The following CLN6 variants were observed in gnomAD, a reference collection of about 807,000 sequenced individuals.
CLN6 encodes CLN6 transmembrane ER protein, also known as ceroid-lipofuscinosis neuronal protein 6.
CLN6 carries 22 observed loss-of-function variants against 33.3 expected under a neutral mutation model. The ratio of observed to expected loss-of-function variants is 0.66; its 90% CI spans 0.47 to 0.94. The LOEUF (loss-of-function observed/expected upper bound fraction) is 0.94. CLN6 is among the 40% of genes least tolerant of loss of function. The pLI is 0.00. For synonymous variants in CLN6, 201 were observed against 174.6 expected, an observed-to-expected ratio of 1.15 and a Z score of -1.19; for missense variants, 387 against 417.1, an observed-to-expected ratio of 0.93 and a Z score of 0.63.
chr15:68,225,387 A>G (rs1284571035), intron 1 of CLN6, among the ~76,000 whole-genome samples: 2 of 152,272 alleles, frequency 1.3e-5, no homozygotes, highest in African/African-American at 2.4e-5. Flanking sequence ...AAAGCAGCAG[A>G]TAATTATAGT....
In CLN6 at chr15:68,256,906, A is replaced by AGGGTCAGGGTGCGCGTCCCACCGCGTCGT. The variant is rs1892443751; in HGVS notation, c.-67_-39dup. 6.2e-6 allele frequency: 4 copies of AGGGTCAGGGTGCGCGTCCCACCGCGTCGT among 650,162 alleles called. No individual in the cohort carries two copies. The highest frequency in any genetic ancestry group is 1.1e-5 in the Non-Finnish European group (4 of 360,600). The allele number at this position is 650,162 out of a possible 1,614,324, so 40.3% of individuals were successfully genotyped here. ...CAAGGTCCTGGGCGCGGCTCTGGGG[A>AGGGTCAGGGTGCGCGTCCCACCGCGTCGT]GGGTCAGGGTGCGCGTCCCACCGCG... is the stretch of plus-strand genomic sequence containing the variant. On this transcript the variant is annotated 5_prime_UTR_variant, in exon 1 of 7. Transcript: ENST00000538696. The surrounding 1 kb of genome is among the most constrained non-coding windows in gnomAD (Gnocchi z 4.1).
chr15:68,248,028 C>CAAAAAAAAAAAAAAAAAAAAAA, intron 1 of CLN6, among the ~76,000 whole-genome samples: 1 of 118,200 alleles, frequency 8.5e-6, no homozygotes, highest in Non-Finnish European at 1.7e-5. Context: ...AACTCAGTCT[C>CAAAAAAAAAAAAAAAAAAAAAA]AAAAAAAAAA....
chr15:68,229,486 C>T lies in CLN6; in HGVS notation c.83+16G>A, dbSNP rs1595826941. 1 of 1,460,940 alleles carries T rather than the reference C, an allele frequency of 6.8e-7. No individual in the cohort carries two copies. Among genetic ancestry groups the T allele is most frequent in the East Asian group, 3.0e-5 (1 of 32,994 alleles). The allele number at this position is 1,460,940 out of a possible 1,614,324, so 90.5% of individuals were successfully genotyped here. ...ACAGGCGCCTAGCCCGCCCTCTCAC[C>T]CCGGCGCGCGCCCACCTGGCCTGCA... On this transcript the variant is annotated intron_variant, in intron 1 of 6. Coordinates refer to ENST00000249806, the MANE Select transcript of CLN6 (RefSeq NM_017882.3).
rs373652272 is a variant in CLN6, at chr15:68,208,204, G to A, written c.872C>T (p.Pro291Leu). ...GGGCTCAGGGACGTAGATGACACCC[G>A]GGTACTTCTTCCTGAGAACAGGGTC... ...WNDPVLRKKYPGVIYVPEPWA... is the reference protein window; with the variant it reads ...WNDPVLRKKYLGVIYVPEPWA... The change falls in exon 7 of 7, where the codon CCG becomes CTG. Residue 291 changes from proline to leucine, a missense_variant. Transcript: ENST00000249806. This position sits in a 1 kb window ranked among gnomAD's most constrained non-coding sequence, Gnocchi z 5.8. The A allele has an allele frequency of 1.5e-5, 24 of 1,560,970 alleles. No homozygotes were observed. The highest frequency in any genetic ancestry group is 1.1e-4 in the African/African-American group (8 of 72,224).
Position 68,256,623 on chromosome 15 carries a change from A to G in CLN6, c.179+67T>C. 1.7e-6 allele frequency: 1 copy of G among 588,704 alleles called. No homozygotes were observed. The highest frequency in any genetic ancestry group is 3.0e-6 in the Non-Finnish European group (1 of 328,364). The allele number at this position is 588,704 out of a possible 1,614,324, so 36.5% of individuals were successfully genotyped here. On this transcript the variant is annotated intron_variant, in intron 1 of 6. Coordinates refer to the CLN6 transcript ENST00000538696. The surrounding 1 kb of genome is among the most constrained non-coding windows in gnomAD (Gnocchi z 4.1). ...AGGGGTGTGGGCAGTGCAGTCGCAC[A>G]GGGCCCCACGTTCAGAAGGGCTTCG...
rs1268139510 is a variant in CLN6, at chr15:68,256,896, G to C, written c.-28C>G. 3.0e-6 allele frequency: 2 copies of C among 663,144 alleles called. No individual in the cohort carries two copies. The highest frequency in any genetic ancestry group is 2.7e-6 in the Non-Finnish European group (1 of 366,134). The allele number at this position is 663,144 out of a possible 1,614,324, so 41.1% of individuals were successfully genotyped here. ...TCCGCCCAGGCAAGGTCCTGGGCGC[G>C]GCTCTGGGGAGGGTCAGGGTGCGCG... On this transcript the variant is annotated 5_prime_UTR_variant, in exon 1 of 7. Transcript: ENST00000538696. The surrounding 1 kb of genome is among the most constrained non-coding windows in gnomAD (Gnocchi z 4.1).
Position 68,219,548 on chromosome 15 carries a change from A to T in CLN6, c.84-898T>A, listed in dbSNP as rs946710368. 6.6e-6 allele frequency among the ~76,000 whole-genome samples: 1 copy of T among 152,154 alleles called. No homozygotes were observed. Among genetic ancestry groups the T allele is most frequent in the Admixed American group, 6.5e-5 (1 of 15,274 alleles). On this transcript the variant is annotated intron_variant, in intron 1 of 6. Coordinates refer to ENST00000249806, the MANE Select transcript of CLN6 (RefSeq NM_017882.3). This position sits in a 1 kb window ranked among gnomAD's most constrained non-coding sequence, Gnocchi z 4.2. ...CATCTGCTGTTCACAGATGCACTGA[A>T]GTTCCAGGACCAGTGCTGCCTCCTC...
chr15:68,211,202 C>CA lies in CLN6; in HGVS notation c.542+60dup. Reference sequence around the variant, plus strand: ...AGCCTTGCTCAGTGTGTCCCTGAGCCAGTGACAGGGCTAGCCGGTAGTTGG... The same window carrying CA: ...AGCCTTGCTCAGTGTGTCCCTGAGCCAAGTGACAGGGCTAGCCGGTAGTTGG... On this transcript the variant is annotated intron_variant, in intron 5 of 6. Coordinates refer to ENST00000249806, the MANE Select transcript of CLN6 (RefSeq NM_017882.3). The surrounding 1 kb of genome is among the most constrained non-coding windows in gnomAD (Gnocchi z 5.9). 1.4e-6 allele frequency: 2 copies of CA among 1,424,028 alleles called. No individual in the cohort carries two copies. The highest frequency in any genetic ancestry group is 2.3e-5 in the East Asian group (1 of 43,920). 88.2% of individuals were successfully genotyped at this position (1,424,028 alleles called of 1,614,324 possible). A position where few individuals can be genotyped will look rare whatever the true frequency, so the allele number is the denominator to read the frequency against.
chr15:68,255,794 C>T (rs569929655), intron 1 of CLN6, among the ~76,000 whole-genome samples: 3 of 152,264 alleles, frequency 2.0e-5, no homozygotes, highest in East Asian at 3.9e-4. Flanking sequence ...TTTCTTTTTA[C>T]TTTTTCTTTC....
Sources: allele counts gnomAD v4.1 joint callset (sites outside exome capture counted in the v4.1 genomes callset), GRCh38; gene constraint gnomAD v4.1.1; non-coding constraint Gnocchi (gnomAD v3.1); transcripts MANE v1.5; gene names NCBI Gene and HGNC (gene_info 2026-07-23, HGNC 2026-07-21).